Variants in LGSN observed in about 807,000 individuals in gnomAD.
LGSN encodes the protein lengsin, lens protein with glutamine synthetase domain.
LGSN carries 21 observed loss-of-function variants against 19.5 expected under a neutral mutation model. That is an observed-to-expected ratio of 1.07 (90% CI 0.76 to 1.55). The LOEUF (loss-of-function observed/expected upper bound fraction) is 1.55. Among genes scored for constraint, LGSN ranks in the 40% most tolerant of loss-of-function variants. LGSN has a pLI of 0.00. For synonymous variants in LGSN, 257 were observed against 215.6 expected (o/e 1.19, Z -1.68); for missense variants, 673 against 608.5 (o/e 1.11, Z -1.12).
chr6:63,290,760 G>T (rs1767733811), intron 2 of LGSN, among the ~76,000 whole-genome samples: 1 of 152,252 alleles, frequency 6.6e-6, no homozygotes, highest in South Asian at 2.1e-4. Flanking sequence ...TGTCATTTTA[G>T]CACAAAAGCA....
At chr6:63,529,165 A>G in the LGSN span, among the ~76,000 whole-genome samples, 85 of 43,480 alleles carry the variant, frequency 2.0e-3, no homozygotes, top group African/African-American at 4.9e-3. Flanking sequence ...ATATGTGTGT[A>G]TATATATATA....
chr6:63,446,931 C>T, the LGSN span, among the ~76,000 whole-genome samples: 1 of 152,144 alleles, frequency 6.6e-6, no homozygotes, highest in Non-Finnish European at 1.5e-5. Context: ...AGCCTGTAAT[C>T]CCAGCTACTC....
the LGSN span, among the ~76,000 whole-genome samples, chr6:63,439,602 C>G: frequency 6.6e-6 from 1 of 152,090 alleles, no homozygotes; most frequent in Non-Finnish European, 1.5e-5. Context: ...ATTCTTGTTC[C>G]AAACAGTCTT....
the LGSN span, among the ~76,000 whole-genome samples, chr6:63,403,820 A>AATCCTTCATCCTTC: frequency 6.6e-6 from 1 of 152,174 alleles, no homozygotes. Flanking sequence ...GACTTTGTAT[A>AATCCTTCATCCTTC]ATCCTTCATC....
At chr6:63,507,969 C>T in the LGSN span, among the ~76,000 whole-genome samples, 4 of 152,262 alleles carry the variant, frequency 2.6e-5, no homozygotes, top group South Asian at 8.3e-4. Context: ...GGTCTCTCAG[C>T]TCCATAGTCA....
the LGSN span, among the ~76,000 whole-genome samples, chr6:63,332,718 C>T: frequency 8.6e-5 from 13 of 152,016 alleles, no homozygotes; most frequent in South Asian, 2.1e-4. Flanking sequence ...GAAGAGCAAT[C>T]GAAAGGGGTC....
At chr6:63,293,877 G>A (rs1371593755) in intron 2 of LGSN, 4 of 409,626 alleles carry the variant, frequency 9.8e-6, no homozygotes, top group Non-Finnish European at 1.9e-5. Context: ...AAGGAAAAAT[G>A]TTAAAATATG....
At chr6:63,485,495 T>C in the LGSN span, among the ~76,000 whole-genome samples, 1 of 152,224 alleles carries the variant, frequency 6.6e-6, no homozygotes, top group African/African-American at 2.4e-5. Context: ...GCAATGAATA[T>C]ATGCGTACAT....
At chr6:63,508,131 G>T in the LGSN span, among the ~76,000 whole-genome samples, 100 of 152,112 alleles carry the variant, frequency 6.6e-4, no homozygotes, top group Non-Finnish European at 1.1e-3. Flanking sequence ...CAGAAATTAT[G>T]CCAACTTCAT....
the LGSN span, among the ~76,000 whole-genome samples, chr6:63,411,669 A>C: frequency 1.3e-5 from 2 of 152,030 alleles, no homozygotes; most frequent in African/African-American, 4.8e-5. Context: ...TCAGACTCTG[A>C]GTCTACAAAA....
At chr6:63,447,300 A>C in the LGSN span, among the ~76,000 whole-genome samples, 1 of 152,022 alleles carries the variant, frequency 6.6e-6, no homozygotes, top group Non-Finnish European at 1.5e-5. Flanking sequence ...TATTGTGACC[A>C]CTCAGGGGCC....
chr6:63,501,762 A>G, the LGSN span, among the ~76,000 whole-genome samples: 3 of 152,166 alleles, frequency 2.0e-5, no homozygotes, highest in Admixed American at 6.5e-5. Context: ...CTAGGGCTAT[A>G]TGTAGAATTA....
At chr6:63,414,793 T>C in the LGSN span, among the ~76,000 whole-genome samples, 1 of 152,126 alleles carries the variant, frequency 6.6e-6, no homozygotes, top group Non-Finnish European at 1.5e-5. Flanking sequence ...TGTGGGCCTG[T>C]AGTCCCAGCT....
chr6:63,505,567 A>AAAGAAAGAAAG, the LGSN span, among the ~76,000 whole-genome samples: 3,396 of 32,288 alleles, frequency 0.11, 572 homozygotes, highest in African/African-American at 0.16. Context: ...AAAAAAAAAA[A>AAAGAAAGAAAG]AGAAAGAAAG....
chr6:63,475,548 G>T, the LGSN span, among the ~76,000 whole-genome samples: 1 of 152,224 alleles, frequency 6.6e-6, no homozygotes, highest in African/African-American at 2.4e-5. Context: ...TTTCAAACAG[G>T]TTGGTATAAA....
At chr6:63,447,629 C>T in the LGSN span, among the ~76,000 whole-genome samples, 15 of 152,148 alleles carry the variant, frequency 9.9e-5, no homozygotes, top group African/African-American at 3.6e-4. Flanking sequence ...ATCCTAATGA[C>T]TATAAGGAGT....
chr6:63,412,718 G>GGACGGAAAGAAAGAAAGAAA, the LGSN span, among the ~76,000 whole-genome samples: 1 of 54,750 alleles, frequency 1.8e-5, no homozygotes, highest in South Asian at 7.0e-4. Context: ...AGGGAAGGAA[G>GGACGGAAAGAAAGAAAGAAA]GAAAGAAAGA....
At chr6:63,446,510 A>G in the LGSN span, among the ~76,000 whole-genome samples, 4 of 152,212 alleles carry the variant, frequency 2.6e-5, no homozygotes, top group African/African-American at 9.6e-5. Context: ...CACGAGGTCA[A>G]GGATTTTGTT....
intron 1 of LGSN, among the ~76,000 whole-genome samples, chr6:63,315,602 T>TTCTCTCTCTC (rs539021063): frequency 7.7e-5 from 10 of 129,408 alleles, no homozygotes; most frequent in African/African-American, 2.6e-4. Flanking sequence ...AGCTAAAATG[T>TTCTCTCTCTC]TCTCTCTCTC....
Sources: allele counts gnomAD v4.1 joint callset (sites outside exome capture counted in the v4.1 genomes callset), GRCh38; gene constraint gnomAD v4.1.1; transcripts MANE v1.5; gene names NCBI Gene and HGNC (gene_info 2026-07-23, HGNC 2026-07-21).